The following ITIH5 variants were observed in gnomAD, a reference collection of about 807,000 sequenced individuals.
ITIH5 encodes inter-alpha-trypsin inhibitor heavy chain 5, also known as inter-alpha-trypsin inhibitor heavy chain H5.
Under a neutral mutation model 77.5 loss-of-function variants are expected in ITIH5, and 65 were observed. That is an observed-to-expected ratio of 0.84 (90% CI 0.69 to 1.03). ITIH5 has a LOEUF of 1.03. ITIH5 is among the 50% of genes least tolerant of loss of function. The probability of loss-of-function intolerance (pLI) is 0.00; values close to 1 mark genes in which losing one functional copy is unlikely to be tolerated. For synonymous variants in ITIH5, 525 were observed against 494.3 expected, an observed-to-expected ratio of 1.06 and a Z score of -0.82; for missense variants, 1,208 against 1,213.1, an observed-to-expected ratio of 1.00 and a Z score of 0.06.
chr10:7,576,048 G>A (rs573303553), intron 10 of ITIH5, among the ~76,000 whole-genome samples: 6 of 152,102 alleles, frequency 3.9e-5, no homozygotes, highest in African/African-American at 7.2e-5. Context: ...TTTTAGAGAC[G>A]GGGTCTTGCT....
intron 8 of ITIH5, 108 bp from the exon 9 acceptor site, chr10:7,580,172 G>A (rs1832520644): frequency 2.1e-6 from 2 of 934,488 alleles, no homozygotes; most frequent in South Asian, 1.6e-5. Flanking sequence ...CCAGGCTGGA[G>A]TGCAATGGCG....
chr10:7,616,489 TG>T (rs1167446227), intron 6 of ITIH5, among the ~76,000 whole-genome samples: 25 of 152,274 alleles, frequency 1.6e-4, no homozygotes, highest in Non-Finnish European at 1.0e-4. Context: ...ACCCTGTCTC[TG>T]GAACAATAAG....
intron 9 of ITIH5, among the ~76,000 whole-genome samples, chr10:7,579,123 T>C (rs749699367): frequency 6.6e-6 from 1 of 152,262 alleles, no homozygotes; most frequent in Non-Finnish European, 1.5e-5. Context: ...ATGGCCACTG[T>C]GCCAGTGCTA....
intron 9 of ITIH5, 132 bp from the exon 10 acceptor site, chr10:7,577,144 C>G (rs1832443176): frequency 1.5e-6 from 1 of 683,562 alleles, no homozygotes; most frequent in Non-Finnish European, 2.4e-6. Context: ...CAACATGGCA[C>G]CCCACACAAT....
In ITIH5 at chr10:7,658,736, C is replaced by A. The variant is rs145554375; in HGVS notation, c.91-3061G>T. Among the ~76,000 whole-genome samples the A allele has an allele frequency of 5.9e-5, 9 of 152,222 alleles. No individual in the cohort carries two copies. In the East Asian group the frequency reaches 1.7e-3, roughly 29 times the overall value. ...GGCAACTGGTTGAAAGAGTTATTAT[C>A]AATAGAAAGAAATCTCTGGGTTATA... On this transcript the variant is annotated intron_variant, in intron 1 of 13. Transcript: ENST00000397146.
chr10:7,610,062 CTTTTTTCT>C (rs1347456226), intron 7 of ITIH5, among the ~76,000 whole-genome samples: 46 of 123,072 alleles, frequency 3.7e-4, no homozygotes, highest in Admixed American at 2.2e-3. Context: ...TCTTTTTTTT[CTTTTTTCT>C]TTTTTTTTTT....
chr10:7,588,408 C>T (rs754549925), intron 7 of ITIH5, among the ~76,000 whole-genome samples: 9 of 152,312 alleles, frequency 5.9e-5, no homozygotes, highest in Non-Finnish European at 1.3e-4. Context: ...ATCCCAGCTA[C>T]TCAGGAGGCT....
At chr10:7,598,509 C>T (rs1311377906) in intron 7 of ITIH5, among the ~76,000 whole-genome samples, 1 of 152,028 alleles carries the variant, frequency 6.6e-6, no homozygotes, top group Non-Finnish European at 1.5e-5. Context: ...CCAAGAAAAG[C>T]GTATTTCTTC....
rs1211180746 is a variant in ITIH5 at position 7,628,757 on chromosome 10, G to A, written c.652+8471C>T. 1.3e-4 allele frequency among the ~76,000 whole-genome samples: 15 copies of A among 119,712 alleles called. 1 individual carries two copies. The highest frequency in any genetic ancestry group is 2.6e-4 in the South Asian group (1 of 3,854). The allele number at this position is 119,712 out of a possible 152,430, so 78.5% of individuals were successfully genotyped here. ...TTGCAGCGTGTGTCCATGTTGCAGCGTGTGTCCATGTTGTAGCGTGTGTCC... is the reference window on the plus strand; with the variant it reads ...TTGCAGCGTGTGTCCATGTTGCAGCATGTGTCCATGTTGTAGCGTGTGTCC... On this transcript the variant is annotated intron_variant, in intron 5 of 13. Coordinates refer to ENST00000397146, the MANE Select transcript of ITIH5 (RefSeq NM_030569.7).
intron 1 of ITIH5, among the ~76,000 whole-genome samples, chr10:7,665,309 C>G (rs1168239961): frequency 6.6e-6 from 1 of 152,144 alleles, no homozygotes; most frequent in Non-Finnish European, 1.5e-5. Context: ...TGTCCTGTCT[C>G]CACACCCCCA....
rs576015885 is a variant in ITIH5 at position 7,566,844 on chromosome 10, G to GGAAGAAGAAGAA, written c.2150-449_2150-438dup. On this transcript the variant is annotated intron_variant, in intron 12 of 13. Coordinates refer to ENST00000397146, the MANE Select transcript of ITIH5 (RefSeq NM_030569.7). The stretch of plus-strand genomic sequence containing the variant: ...AGGAAGAGGAAGAGGAAGAGGAAGA[G>GGAAGAAGAAGAA]GAAGAAGAAGAAGAAGAAGAAGAAG... 6.2e-4 allele frequency among the ~76,000 whole-genome samples: 11 copies of GGAAGAAGAAGAA among 17,790 alleles called. 1 individual carries two copies. Among genetic ancestry groups the GGAAGAAGAAGAA allele is most frequent in the Non-Finnish European group, 6.3e-4 (7 of 11,042 alleles). 11.7% of individuals were successfully genotyped at this position (17,790 alleles called of 152,430 possible). A position where few individuals can be genotyped will look rare whatever the true frequency, so the allele number is the denominator to read the frequency against.
intron 1 of ITIH5, among the ~76,000 whole-genome samples, chr10:7,666,534 A>T (rs1834363987): frequency 6.6e-6 from 1 of 152,228 alleles, no homozygotes; most frequent in African/African-American, 2.4e-5. Context: ...CGACGAACAG[A>T]AATCTGCGCA....
At chr10:7,566,801 AGGAAGAGG>A (rs1564232525) in intron 12 of ITIH5, among the ~76,000 whole-genome samples, 1 of 11,806 alleles carries the variant, frequency 8.5e-5, no homozygotes, top group Non-Finnish European at 1.4e-4. Context: ...GAAGAAGAAG[AGGAAGAGG>A]AAGAGGAAGA....
intron 9 of ITIH5, 150 bp from the exon 10 acceptor site, chr10:7,577,162 C>T: frequency 6.3e-6 from 4 of 633,310 alleles, no homozygotes; most frequent in Middle Eastern, 4.3e-4. Context: ...AATATTTCTG[C>T]CAGGAGATCA....
chr10:7,659,600 A>G (rs1834243626), intron 1 of ITIH5, among the ~76,000 whole-genome samples: 1 of 152,176 alleles, frequency 6.6e-6, no homozygotes, highest in South Asian at 2.1e-4. Flanking sequence ...CCTCTCAGGT[A>G]TTAAGTTCCC....
intron 5 of ITIH5, chr10:7,621,277 G>A (rs981079963): frequency 2.0e-5 from 3 of 152,120 alleles, no homozygotes; most frequent in African/African-American, 7.2e-5. Flanking sequence ...TTCCAATCTC[G>A]TGAAAATGCT....
chr10:7,585,411 T>C (rs1438622092), intron 8 of ITIH5, among the ~76,000 whole-genome samples: 2 of 152,082 alleles, frequency 1.3e-5, no homozygotes, highest in South Asian at 4.2e-4. Flanking sequence ...ATCCTCCCCA[T>C]CACATTTTAC....
chr10:7,610,658 A>G (rs929319625), intron 7 of ITIH5, among the ~76,000 whole-genome samples: 3 of 152,250 alleles, frequency 2.0e-5, no homozygotes, highest in Non-Finnish European at 4.4e-5. Flanking sequence ...ACCAATAGAC[A>G]TAACATCATA....
intron 4 of ITIH5, among the ~76,000 whole-genome samples, chr10:7,639,560 C>A (rs747065279): frequency 1.7e-4 from 26 of 151,916 alleles, no homozygotes; most frequent in Non-Finnish European, 2.9e-4. Context: ...AACTAAATTT[C>A]TCAAAATGAT....
Sources: gnomAD v4.1 joint callset for allele counts (sites outside exome capture counted in the v4.1 genomes callset) on GRCh38, gnomAD v4.1.1 for gene constraint, MANE v1.5 for transcripts, NCBI Gene and HGNC (gene_info 2026-07-23, HGNC 2026-07-21) for gene names.